GRK7: variants seen among roughly 807,000 people sequenced by gnomAD.
The protein encoded by GRK7 is G protein-coupled receptor kinase 7, also known as rhodopsin kinase GRK7.
Under a neutral mutation model 34.1 loss-of-function variants are expected in GRK7, and 24 were observed. The ratio of observed to expected loss-of-function variants is 0.70; its 90% CI spans 0.51 to 0.99. The LOEUF (loss-of-function observed/expected upper bound fraction) is 0.99, where lower values mean the gene tolerates loss of function less well. GRK7 is among the 50% of genes least tolerant of loss of function. The pLI is 0.00. For missense variants in GRK7, 644 were observed against 707.3 expected (o/e 0.91, Z 1.02); for synonymous variants, 256 against 279.4 (o/e 0.92, Z 0.84).
chr3:141,763,997 C>T lies in GRK7; in HGVS notation c.-1956C>T, dbSNP rs141061458. ...GGCAACATGCAAGACGTCTTCATTT[C>T]TCTTCATTGCTGCTCTCCTTCCTTC... On this transcript the variant is annotated 5_prime_UTR_variant, in exon 1 of 6. Transcript: ENST00000682958. Among the ~76,000 whole-genome samples, 96 of 152,256 alleles carry T rather than the reference C, an allele frequency of 6.3e-4. 1 individual carries two copies. The highest frequency in any genetic ancestry group is 2.2e-3 in the African/African-American group (90 of 41,548).
chr3:141,762,826 G>A (rs1488188105), upstream of GRK7, among the ~76,000 whole-genome samples: 5 of 152,358 alleles, frequency 3.3e-5, no homozygotes, highest in South Asian at 2.1e-4. Flanking sequence ...ATATAATCTC[G>A]TGGTGTGCCG....
At chr3:141,784,792 C>T (rs942205275) in intron 4 of GRK7, among the ~76,000 whole-genome samples, 14 of 152,162 alleles carry the variant, frequency 9.2e-5, no homozygotes, top group African/African-American at 2.9e-4. Flanking sequence ...TCCAATGTGG[C>T]AGTGTTGGAG....
intron 1 of GRK7, among the ~76,000 whole-genome samples, chr3:141,766,195 ACT>A (rs1355662923): frequency 6.7e-6 from 1 of 149,914 alleles, no homozygotes; most frequent in Non-Finnish European, 1.5e-5. Flanking sequence ...ATGGAGTCTC[ACT>A]CTGTCGTCCA....
intron 4 of GRK7, among the ~76,000 whole-genome samples, chr3:141,800,787 G>A (rs766088982): frequency 1.3e-5 from 2 of 152,136 alleles, no homozygotes; most frequent in Non-Finnish European, 2.9e-5. Flanking sequence ...GAGAAGTGGC[G>A]AGGACTGACT....
At chr3:141,756,331 G>GC in the GRK7 span, among the ~76,000 whole-genome samples, 59,559 of 139,724 alleles carry the variant, frequency 0.43, 12,897 homozygotes, top group Middle Eastern at 0.59. Flanking sequence ...AAAAAAGGTG[G>GC]GGGGGTGAAA....
chr3:141,760,538 T>C (rs1443816931), upstream of GRK7, among the ~76,000 whole-genome samples: 197 of 135,084 alleles, frequency 1.5e-3, no homozygotes, highest in African/African-American at 5.3e-3. Flanking sequence ...CTTCCAACTA[T>C]GTGGTCAATT....
chr3:141,750,364 T>C, the GRK7 span, among the ~76,000 whole-genome samples: 1 of 152,352 alleles, frequency 6.6e-6, no homozygotes. Context: ...CAGTATAGCA[T>C]AGAATTAAGA....
At chr3:141,779,784 T>A (rs772173199) in intron 3 of GRK7, among the ~76,000 whole-genome samples, 2 of 152,244 alleles carry the variant, frequency 1.3e-5, no homozygotes, top group Non-Finnish European at 2.9e-5. Flanking sequence ...ACCTTTTGTG[T>A]CTGGCTTCTT....
intron 4 of GRK7, among the ~76,000 whole-genome samples, chr3:141,798,014 A>G (rs1710913326): frequency 6.6e-6 from 1 of 152,192 alleles, no homozygotes; most frequent in Non-Finnish European, 1.5e-5. Flanking sequence ...CTGGTTGTCC[A>G]GAGCCACACT....
intron 4 of GRK7, among the ~76,000 whole-genome samples, chr3:141,798,458 C>A (rs936311546): frequency 6.6e-6 from 1 of 152,190 alleles, no homozygotes; most frequent in Non-Finnish European, 1.5e-5. Flanking sequence ...AACACATACA[C>A]ACACACACAC....
chr3:141,787,817 A>T (rs2084703901), intron 4 of GRK7, among the ~76,000 whole-genome samples: 1 of 149,246 alleles, frequency 6.7e-6, no homozygotes, highest in African/African-American at 2.5e-5. Flanking sequence ...AGACCAGTCT[A>T]GGCAACATAG....
chr3:141,778,410 G>T lies in GRK7; in HGVS notation c.126G>T (p.Leu42=), dbSNP rs112016084. The part of the protein sequence containing the change: ...RRRRSLALPG[L]QGCAELRQKL... ...GGCGTAGCCTGGCCCTGCCCGGGCT[G>T]CAGGGCTGCGCGGAGCTCCGCCAGA... The change falls in exon 3 of 6, where the codon CTG becomes CTT. Residue 42 remains leucine, a synonymous_variant. Transcript: ENST00000682958. The surrounding 1 kb of genome is among the most constrained non-coding windows in gnomAD (Gnocchi z 4.1). 3.8e-5 allele frequency: 62 copies of T among 1,612,696 alleles called. 1 individual carries two copies. Among genetic ancestry groups the T allele is most frequent in the African/African-American group, 3.2e-4 (24 of 75,072 alleles).
the GRK7 span, among the ~76,000 whole-genome samples, chr3:141,752,426 A>G: frequency 6.6e-6 from 1 of 152,196 alleles, no homozygotes; most frequent in Non-Finnish European, 1.5e-5. Flanking sequence ...AACGTCCACA[A>G]GGCATAGGAC....
intron 5 of GRK7, among the ~76,000 whole-genome samples, chr3:141,813,591 G>A (rs1711118589): frequency 6.6e-6 from 1 of 151,856 alleles, no homozygotes; most frequent in Non-Finnish European, 1.5e-5. Context: ...TTTTAGAAAA[G>A]ACACCCCTTG....
At chr3:141,770,700 A>C (rs2107872412) in intron 1 of GRK7, among the ~76,000 whole-genome samples, 1 of 152,366 alleles carries the variant, frequency 6.6e-6, no homozygotes, top group Middle Eastern at 3.4e-3. Context: ...TTACAGAATG[A>C]GATACCACCT....
intron 4 of GRK7, among the ~76,000 whole-genome samples, chr3:141,783,170 TC>T (rs1452587838): frequency 6.6e-6 from 1 of 152,200 alleles, no homozygotes; most frequent in Non-Finnish European, 1.5e-5. Context: ...TTAGGAGCTT[TC>T]CCTGAAGCTC....
intron 4 of GRK7, among the ~76,000 whole-genome samples, chr3:141,788,228 G>T (rs532528000): frequency 8.3e-4 from 126 of 152,236 alleles, no homozygotes; most frequent in South Asian, 3.3e-3. Context: ...TGTTCTACAG[G>T]CAGTAGGGAG....
chr3:141,760,971 G>A (rs1380886427), upstream of GRK7, among the ~76,000 whole-genome samples: 1 of 25,466 alleles, frequency 3.9e-5, no homozygotes, highest in African/African-American at 2.2e-4. Flanking sequence ...TTGCTTGGTA[G>A]ATCTTCCTCC....
At chr3:141,776,646 A>G (rs2084640677) in intron 2 of GRK7, among the ~76,000 whole-genome samples, 1 of 152,210 alleles carries the variant, frequency 6.6e-6, no homozygotes, top group African/African-American at 2.4e-5. Flanking sequence ...TCATTACATA[A>G]TTCCTGGTAG....
Sources: gnomAD v4.1 joint callset for allele counts (sites outside exome capture counted in the v4.1 genomes callset) on GRCh38, gnomAD v4.1.1 for gene constraint, Gnocchi (gnomAD v3.1) non-coding constraint, MANE v1.5 for transcripts, NCBI Gene and HGNC (gene_info 2026-07-23, HGNC 2026-07-21) for gene names.